Variants in MAP2K6 observed in about 807,000 individuals in gnomAD.
MAP2K6 encodes the protein mitogen-activated protein kinase kinase 6.
Under a neutral mutation model 53.7 loss-of-function variants are expected in MAP2K6, and 16 were observed. That is an observed-to-expected ratio of 0.30 (90% confidence interval 0.20 to 0.45). The LOEUF is 0.45. Among genes scored for constraint, MAP2K6 ranks in the 20% least tolerant of loss-of-function variants. MAP2K6 has a pLI of 1.00. For synonymous variants in MAP2K6, 132 were observed against 143.1 expected (o/e 0.92, Z 0.55); for missense variants, 204 against 411.9 (o/e 0.50, Z 4.37).
rs773490930 is a variant in MAP2K6 at position 69,521,081 on chromosome 17, G to A, written c.516G>A (p.Lys172=). Residue 172 remains lysine (K), a synonymous_variant, in exon 7 of 12, where the codon AAG becomes AAA. Transcript: ENST00000590474. ...AAGCATTAGAACATTTACATAGTAA[G>A]CTGTCTGTCATTCACAGAGGTAAGC... ...IVKALEHLHS[K]LSVIHRDVKP... is the part of the protein sequence containing the mutation. 1.2e-6 allele frequency: 2 copies of A among 1,610,054 alleles called. No homozygotes were observed. Among genetic ancestry groups the A allele is most frequent in the Non-Finnish European group, 8.5e-7 (1 of 1,178,136 alleles).
intron 10 of MAP2K6, among the ~76,000 whole-genome samples, chr17:69,529,115 A>G (rs1434908347): frequency 6.6e-6 from 1 of 152,174 alleles, no homozygotes; most frequent in Non-Finnish European, 1.5e-5. Flanking sequence ...GTTTAATCCA[A>G]TGATTCTCAA....
intron 1 of MAP2K6, among the ~76,000 whole-genome samples, chr17:69,505,103 A>G (rs1291560187): frequency 6.6e-6 from 1 of 151,854 alleles, no homozygotes; most frequent in South Asian, 2.1e-4. Context: ...GCTATAACCA[A>G]GTGTCTGCCA....
intron 1 of MAP2K6, among the ~76,000 whole-genome samples, chr17:69,455,706 GT>G (rs1248148099): frequency 1.3e-5 from 2 of 152,160 alleles, no homozygotes; most frequent in East Asian, 3.9e-4. Flanking sequence ...GCATATTCTT[GT>G]TTGTTCTTTT....
chr17:69,430,867 G>A (rs995202613), intron 1 of MAP2K6, among the ~76,000 whole-genome samples: 3 of 152,198 alleles, frequency 2.0e-5, no homozygotes, highest in Non-Finnish European at 4.4e-5. Flanking sequence ...TAGAAGAAAC[G>A]CAAGTGCTAG....
intron 1 of MAP2K6, among the ~76,000 whole-genome samples, chr17:69,429,452 A>C (rs967970343): frequency 9.9e-5 from 15 of 151,810 alleles, no homozygotes; most frequent in African/African-American, 3.6e-4. Flanking sequence ...CTAAAAGGAG[A>C]GTGAGAGAGA....
At chr17:69,535,117 A>G (rs1567860298) in intron 10 of MAP2K6, among the ~76,000 whole-genome samples, 1 of 152,136 alleles carries the variant, frequency 6.6e-6, no homozygotes, top group East Asian at 1.9e-4. Flanking sequence ...CTCCGGTATC[A>G]AATGTTATTA....
At chr17:69,433,092 TG>T (rs1351845621) in intron 1 of MAP2K6, 1 of 152,246 alleles carries the variant, frequency 6.6e-6, no homozygotes, top group Non-Finnish European at 1.5e-5. Context: ...ATGTGACAGT[TG>T]CCCAATGATA....
intron 9 of MAP2K6, 116 bp downstream of exon 9, chr17:69,525,094 G>C (rs1910698931): frequency 2.7e-6 from 2 of 733,692 alleles, no homozygotes; most frequent in Non-Finnish European, 4.8e-6. Context: ...GCCCTCTCCT[G>C]CTGAGCTGGT....
intron 1 of MAP2K6, among the ~76,000 whole-genome samples, chr17:69,487,596 GT>G (rs1908596171): frequency 6.6e-6 from 1 of 152,162 alleles, no homozygotes; most frequent in Admixed American, 6.5e-5. Flanking sequence ...GTAGATATTG[GT>G]TTTCCCATTT....
chr17:69,519,810 A>C, intron 5 of MAP2K6: 1 of 214,352 alleles, frequency 4.7e-6, no homozygotes, highest in South Asian at 8.7e-5. Context: ...ACTTACTTTG[A>C]TCTCTTTTCT....
intron 5 of MAP2K6, chr17:69,519,860 G>A (rs1450097028): frequency 4.5e-6 from 1 of 221,230 alleles, no homozygotes; most frequent in Non-Finnish European, 8.8e-6. Context: ...TGGATTATGA[G>A]GCTTCACCTC....
intron 10 of MAP2K6, among the ~76,000 whole-genome samples, chr17:69,529,056 G>C (rs1910941737): frequency 6.6e-6 from 1 of 151,968 alleles, no homozygotes; most frequent in African/African-American, 2.4e-5. Flanking sequence ...TAAGAACGAG[G>C]CTGGTGTGAA....
chr17:69,483,275 C>T (rs1908413304), intron 1 of MAP2K6, among the ~76,000 whole-genome samples: 1 of 151,876 alleles, frequency 6.6e-6, no homozygotes, highest in South Asian at 2.1e-4. Flanking sequence ...ACAAGATTAA[C>T]ATACAAAAAT....
intron 1 of MAP2K6, among the ~76,000 whole-genome samples, chr17:69,427,529 C>T (rs1006592692): frequency 2.0e-5 from 3 of 152,040 alleles, no homozygotes; most frequent in East Asian, 3.8e-4. Context: ...AACAGAGTGA[C>T]GTATAGCTCT....
At chr17:69,498,740 A>T (rs1359382598) in intron 1 of MAP2K6, among the ~76,000 whole-genome samples, 1 of 152,028 alleles carries the variant, frequency 6.6e-6, no homozygotes, top group East Asian at 1.9e-4. Context: ...TATTGGGTAC[A>T]GGGCGTTATC....
At chr17:69,502,444 G>A in intron 1 of MAP2K6, 1 of 985,402 alleles carries the variant, frequency 1.0e-6, no homozygotes, top group Non-Finnish European at 1.2e-6. Context: ...GTGTTGCTGT[G>A]TGTGCTTGTG....
intron 1 of MAP2K6, among the ~76,000 whole-genome samples, chr17:69,478,159 C>T (rs914941175): frequency 1.3e-5 from 2 of 152,180 alleles, no homozygotes; most frequent in Admixed American, 6.5e-5. Context: ...GGCGCTTGAA[C>T]GCCAGTTTGA....
chr17:69,465,706 G>A (rs1907774995), intron 1 of MAP2K6, among the ~76,000 whole-genome samples: 2 of 150,294 alleles, frequency 1.3e-5, no homozygotes, highest in East Asian at 4.0e-4. Flanking sequence ...TGCAACCCCT[G>A]CCTCCTGAGT....
intron 1 of MAP2K6, among the ~76,000 whole-genome samples, chr17:69,445,447 T>C (rs1472658182): frequency 1.3e-5 from 2 of 152,248 alleles, no homozygotes; most frequent in African/African-American, 2.4e-5. Flanking sequence ...CCTGCCTTGA[T>C]TTGTGAACAA....
Sources: allele counts gnomAD v4.1 joint callset (sites outside exome capture counted in the v4.1 genomes callset), GRCh38; gene constraint gnomAD v4.1.1; transcripts MANE v1.5; gene names NCBI Gene and HGNC (gene_info 2026-07-23, HGNC 2026-07-21).